ATP9B: variants seen among roughly 807,000 people sequenced by gnomAD.
ATP9B encodes probable phospholipid-transporting ATPase IIB.
ATP9B carries 110 observed loss-of-function variants against 146.1 expected under a neutral mutation model. The observed-to-expected ratio is 0.75, with a 90% CI of 0.65 to 0.88. The LOEUF is 0.88. ATP9B is among the 40% of genes least tolerant of loss of function. The pLI, the probability that ATP9B is intolerant of heterozygous loss-of-function variation, is 0.00. For missense variants in ATP9B, 1,499 were observed against 1,496.4 expected (o/e 1.00, Z -0.03); for synonymous variants, 604 against 569.7 (o/e 1.06, Z -0.86).
chr18:79,071,399 CTTT>C (rs56119715), intron 1 of ATP9B, among the ~76,000 whole-genome samples: 5 of 69,268 alleles, frequency 7.2e-5, no homozygotes, highest in African/African-American at 1.4e-4. Context: ...ATTGTTCTTC[CTTT>C]TTTTTTTTTT....
intron 9 of ATP9B, among the ~76,000 whole-genome samples, chr18:79,204,862 TG>T (rs1209309431): frequency 1.3e-5 from 2 of 152,218 alleles, no homozygotes; most frequent in Non-Finnish European, 2.9e-5. Context: ...ATATTGTAGA[TG>T]ACGTAACCAA....
intron 12 of ATP9B, among the ~76,000 whole-genome samples, chr18:79,260,504 T>C (rs2096129159): frequency 6.6e-6 from 1 of 152,084 alleles, no homozygotes; most frequent in South Asian, 2.1e-4. Context: ...AAACCAGGAG[T>C]AGAGATGGGT....
intron 26 of ATP9B, among the ~76,000 whole-genome samples, chr18:79,371,317 A>G (rs1364345812): frequency 2.8e-5 from 4 of 145,204 alleles, no homozygotes; most frequent in Non-Finnish European, 6.0e-5. Flanking sequence ...AGTTGCAATG[A>G]GCCAAGATCG....
At chr18:79,367,076 CGTGTGT>C (rs2097034982) in intron 26 of ATP9B, among the ~76,000 whole-genome samples, 4 of 141,654 alleles carry the variant, frequency 2.8e-5, no homozygotes, top group East Asian at 2.2e-4. Context: ...TCACCTCCAC[CGTGTGT>C]ACGCAGAGAA....
intron 26 of ATP9B, among the ~76,000 whole-genome samples, chr18:79,371,613 C>A (rs1419438915): frequency 2.6e-5 from 4 of 152,246 alleles, no homozygotes; most frequent in Admixed American, 2.6e-4. Flanking sequence ...AATATAGCCG[C>A]ATTTCCAGCG....
At chr18:79,126,166 A>C in intron 4 of ATP9B, 101 bp from the exon 5 acceptor site, 1 of 875,502 alleles carries the variant, frequency 1.1e-6, no homozygotes, top group Middle Eastern at 2.5e-4. Context: ...TGTTTTAGAG[A>C]GTAATATAAA....
intron 15 of ATP9B, among the ~76,000 whole-genome samples, chr18:79,322,886 G>T (rs1256652375): frequency 6.6e-6 from 1 of 152,202 alleles, no homozygotes; most frequent in East Asian, 1.9e-4. Context: ...GAGTCAGACC[G>T]TCCTGAAATA....
intron 15 of ATP9B, among the ~76,000 whole-genome samples, chr18:79,321,919 AC>A (rs1176172826): frequency 1.3e-5 from 2 of 152,218 alleles, no homozygotes; most frequent in Non-Finnish European, 2.9e-5. Flanking sequence ...TGTAATCGTA[AC>A]CTTTCACTGT....
chr18:79,251,524 AG>A (rs2096023381), intron 11 of ATP9B, among the ~76,000 whole-genome samples: 1 of 152,194 alleles, frequency 6.6e-6, no homozygotes. Context: ...ATAACCTTAG[AG>A]TTTAGCACAA....
intron 11 of ATP9B, among the ~76,000 whole-genome samples, chr18:79,245,909 GCCCTACTGACTGTGCGGAGGGCACCA>G (rs2095951178): frequency 5.1e-5 from 3 of 59,070 alleles, no homozygotes; most frequent in African/African-American, 1.2e-4. Context: ...GGAGGGCACC[GCCCTACTGACTGTGCGGAGGGCACCA>G]CCCTACTGAC....
intron 9 of ATP9B, among the ~76,000 whole-genome samples, chr18:79,206,041 C>T (rs775402292): frequency 2.6e-5 from 4 of 151,688 alleles, no homozygotes; most frequent in South Asian, 4.2e-4. Flanking sequence ...CCCGGGTTCA[C>T]GCCATTCTCC....
chr18:79,374,210 A>G, intron 28 of ATP9B, 109 bp downstream of exon 28: 3 of 1,305,030 alleles, frequency 2.3e-6, no homozygotes, highest in Non-Finnish European at 3.2e-6. Context: ...TCATGGTAAA[A>G]CCCATATCAG....
chr18:79,368,028 C>A lies in ATP9B; in HGVS notation c.3013-4797C>A, dbSNP rs546367962. Among the ~76,000 whole-genome samples, 5 of 152,294 alleles carry A rather than the reference C, an allele frequency of 3.3e-5. No individual in the cohort carries two copies. The South Asian group carries it at 1.0e-3, about 32-fold the overall frequency. On this transcript the variant is annotated intron_variant, in intron 26 of 29. Coordinates refer to ENST00000426216, the MANE Select transcript of ATP9B (RefSeq NM_198531.5). ...TCCACACCATTTCTCTGCCACGGTG[C>A]GTGTCTGTGTCTCCATGGAGTGTCG...
chr18:79,111,139 G>A (rs1203063522), intron 3 of ATP9B, among the ~76,000 whole-genome samples: 1 of 152,038 alleles, frequency 6.6e-6, no homozygotes, highest in African/African-American at 2.4e-5. Flanking sequence ...TTATAAAACA[G>A]TTCATATACA....
At chr18:79,303,904 G>T (rs2096606958) in intron 14 of ATP9B, among the ~76,000 whole-genome samples, 188 bp downstream of exon 14, 1 of 152,160 alleles carries the variant, frequency 6.6e-6, no homozygotes, top group South Asian at 2.1e-4. Context: ...GTACATGAGT[G>T]AAATCGTAGA....
intron 13 of ATP9B, among the ~76,000 whole-genome samples, chr18:79,290,060 A>G (rs10083980): frequency 0.43 from 64,933 of 151,912 alleles, 14,176 homozygotes; most frequent in Middle Eastern, 0.55. Context: ...CTCGGGGGTC[A>G]GGGGTCAGGG....
chr18:79,215,103 G>T (rs550150504), intron 11 of ATP9B, among the ~76,000 whole-genome samples: 1 of 140,758 alleles, frequency 7.1e-6, no homozygotes, highest in African/African-American at 2.7e-5. Context: ...AGCCAAGATC[G>T]CACCATTGCA....
intron 1 of ATP9B, chr18:79,085,290 A>G (rs2073709726): frequency 6.6e-6 from 1 of 152,232 alleles, no homozygotes; most frequent in African/African-American, 2.4e-5. Flanking sequence ...ATCTCCCACT[A>G]GGCCCCACCT....
At chr18:79,164,589 G>C (rs1017849573) in intron 7 of ATP9B, among the ~76,000 whole-genome samples, 3 of 152,082 alleles carry the variant, frequency 2.0e-5, no homozygotes, top group African/African-American at 7.2e-5. Context: ...CATGGTGGCG[G>C]GCGCCTGTAG....
Sources: allele counts gnomAD v4.1 joint callset (sites outside exome capture counted in the v4.1 genomes callset), GRCh38; gene constraint gnomAD v4.1.1; transcripts MANE v1.5; gene names NCBI Gene and HGNC (gene_info 2026-07-23, HGNC 2026-07-21).